Variants in CSMD2 observed in about 807,000 individuals in gnomAD.
The protein encoded by CSMD2 is CUB and Sushi multiple domains 2.
In CSMD2, 130 loss-of-function variants were observed where a neutral mutation model predicts 398.5. That is an observed-to-expected ratio of 0.33 (90% confidence interval 0.28 to 0.38). The LOEUF is 0.38. Ranked by LOEUF, CSMD2 falls within the 10% of genes least tolerant of loss-of-function variation. The probability of loss-of-function intolerance (pLI) is 1.00; values close to 1 mark genes in which losing one functional copy is unlikely to be tolerated. For missense variants in CSMD2, 3,829 were observed against 4,764.9 expected (o/e 0.80, Z 5.78); for synonymous variants, 1,828 against 1,908.5 (o/e 0.96, Z 1.10).
chr1:33,552,277 G>T (rs1657527031), intron 55 of CSMD2, among the ~76,000 whole-genome samples: 1 of 152,214 alleles, frequency 6.6e-6, no homozygotes, highest in Admixed American at 6.5e-5. Context: ...AGAATATGGA[G>T]AAATTGTAAT....
At chr1:34,125,507 C>CTGTGTGTGTGTG (rs35436778) in intron 1 of CSMD2, among the ~76,000 whole-genome samples, 46 of 141,194 alleles carry the variant, frequency 3.3e-4, no homozygotes, top group East Asian at 2.2e-3. Flanking sequence ...TCAACCTTGG[C>CTGTGTGTGTGTG]TGTGTGTGTG....
At chr1:33,552,035 CAT>C (rs1657494396) in intron 55 of CSMD2, among the ~76,000 whole-genome samples, 1 of 152,208 alleles carries the variant, frequency 6.6e-6, no homozygotes, top group Admixed American at 6.5e-5. Flanking sequence ...CAGCCAATAA[CAT>C]GTGGGGCAGA....
rs1389881398 is a variant in CSMD2, at chr1:33,846,588, AGTGCCTAGCACT to A, written c.1033+284_1033+295del. On this transcript the variant is annotated intron_variant, in intron 6 of 70. Coordinates refer to ENST00000373381, the MANE Select transcript of CSMD2 (RefSeq NM_001281956.2). ...AGATTAAAGGAGATGCTACTTGCCA[AGTGCCTAGCACT>A]GTGCCTGGCTCTTAGCAGGCATCTG... 4.6e-5 allele frequency among the ~76,000 whole-genome samples: 7 copies of A among 152,322 alleles called. 1 individual carries two copies. In the East Asian group the frequency reaches 1.2e-3, roughly 25 times the overall value.
chr1:33,728,225 A>T (rs1646603107), intron 15 of CSMD2, among the ~76,000 whole-genome samples: 1 of 152,142 alleles, frequency 6.6e-6, no homozygotes. Context: ...TTCCCTGAAC[A>T]AGACTGGGGA....
At chr1:33,964,598 C>G (rs1265172190) in intron 3 of CSMD2, among the ~76,000 whole-genome samples, 1 of 152,216 alleles carries the variant, frequency 6.6e-6, no homozygotes, top group East Asian at 1.9e-4. Context: ...AACAAGACTT[C>G]TGCTTTTTTG....
At chr1:33,969,170 A>G (rs1031126923) in intron 3 of CSMD2, among the ~76,000 whole-genome samples, 2 of 152,272 alleles carry the variant, frequency 1.3e-5, no homozygotes, top group African/African-American at 4.8e-5. Context: ...CACACTGTTC[A>G]AGGCAGCTGC....
intron 5 of CSMD2, among the ~76,000 whole-genome samples, chr1:33,903,082 T>TA (rs1356649396): frequency 6.6e-6 from 1 of 152,166 alleles, no homozygotes; most frequent in East Asian, 1.9e-4. Context: ...CAGACAGGCA[T>TA]TTGCTTAGCA....
intron 41 of CSMD2, among the ~76,000 whole-genome samples, chr1:33,609,226 C>T (rs1453896506): frequency 2.0e-5 from 3 of 152,114 alleles, no homozygotes; most frequent in East Asian, 1.9e-4. Context: ...AGATGGACCC[C>T]GGAACCCTGA....
chr1:33,626,524 CCTTTGG>C lies in CSMD2; in HGVS notation c.5252_5257del (p.Ala1751_Lys1752del). On this transcript the variant is annotated inframe_deletion, in exon 33 of 71. Coordinates refer to ENST00000373381, the MANE Select transcript of CSMD2 (RefSeq NM_001281956.2). Reference sequence around the variant, plus strand: ...GTGGAAGCCTCTGGCTGGTGCGAGGCCTTTGGCGCTGAACTTAATGAGAACTTGATT... The same window carrying C: ...GTGGAAGCCTCTGGCTGGTGCGAGGCCGCTGAACTTAATGAGAACTTGATT... 6.2e-7 allele frequency: 1 copy of C among 1,607,436 alleles called. No individual in the cohort carries two copies. The highest frequency in any genetic ancestry group is 8.5e-7 in the Non-Finnish European group (1 of 1,177,518).
Position 34,118,456 on chromosome 1 carries a change from T to G in CSMD2, c.188-29263A>C, listed in dbSNP as rs200540093. ...AAACAAAAGTCATCCAAACTAACATTATTTCTGTTTGCAGACAACCTGATC... is the reference window on the plus strand; with the variant it reads ...AAACAAAAGTCATCCAAACTAACATGATTTCTGTTTGCAGACAACCTGATC... On this transcript the variant is annotated intron_variant, in intron 1 of 70. Transcript: ENST00000373381. 1.8e-4 allele frequency among the ~76,000 whole-genome samples: 27 copies of G among 152,304 alleles called. No homozygotes were observed. In the East Asian group the frequency reaches 5.0e-3, roughly 28 times the overall value.
intron 13 of CSMD2, among the ~76,000 whole-genome samples, chr1:33,771,241 C>A (rs1273771084): frequency 2.0e-5 from 3 of 150,882 alleles, no homozygotes; most frequent in Admixed American, 6.6e-5. Flanking sequence ...CAGAGCCCTG[C>A]CCCGTGCACC....
At position 33,554,536 on chromosome 1, in the gene CSMD2, A is replaced by T. The variant is rs1355359327; in HGVS notation, c.8743+3198T>A. Among the ~76,000 whole-genome samples the T allele has an allele frequency of 2.0e-5, 3 of 152,268 alleles. No individual in the cohort carries two copies. The East Asian group carries it at 5.8e-4, about 29-fold the overall frequency. On this transcript the variant is annotated intron_variant, in intron 55 of 70. Coordinates refer to ENST00000373381, the MANE Select transcript of CSMD2 (RefSeq NM_001281956.2). ...TCCAGGACTTTCATAGCTAGAGAGAAGTCAATGCCTGGCTTCAAAATTTCA... is the reference window on the plus strand; with the variant it reads ...TCCAGGACTTTCATAGCTAGAGAGATGTCAATGCCTGGCTTCAAAATTTCA...
At position 34,165,050 on chromosome 1, in the gene CSMD2, C is replaced by G. The variant is rs1214341931; in HGVS notation, c.48G>C (p.Ala16=). The change falls in exon 1 of 71, where the codon GCG becomes GCC. Residue 16 remains alanine (A), a synonymous_variant. Transcript: ENST00000373381. ...TCCCGGTTTCGCCGCGAGCCCTCCC[C>G]GCGGGGCAGCCGCAGCGCCCCAGCT... ...GRELGRCGCP[A]GRARGETGIS... 3.3e-6 allele frequency: 4 copies of G among 1,215,222 alleles called. No individual in the cohort carries two copies. Among genetic ancestry groups the G allele is most frequent in the Non-Finnish European group, 4.1e-6 (4 of 977,282 alleles). 75.3% of individuals were successfully genotyped at this position (1,215,222 alleles called of 1,614,324 possible).
intron 1 of CSMD2, among the ~76,000 whole-genome samples, chr1:34,142,582 C>A (rs928931397): frequency 6.6e-6 from 1 of 152,170 alleles, no homozygotes; most frequent in African/African-American, 2.4e-5. Context: ...AAGAGAATGG[C>A]CCCCTCTCTC....
chr1:34,049,268 G>A (rs1171203326), intron 2 of CSMD2, among the ~76,000 whole-genome samples: 1 of 152,204 alleles, frequency 6.6e-6, no homozygotes, highest in Non-Finnish European at 1.5e-5. Context: ...CAGTAAGAGA[G>A]TTTGGTCACT....
chr1:33,722,913 GT>G (rs1050711807), intron 19 of CSMD2, among the ~76,000 whole-genome samples: 11 of 150,858 alleles, frequency 7.3e-5, no homozygotes, highest in African/African-American at 1.9e-4. Flanking sequence ...GGTATAGACG[GT>G]TTTTTTTTCT....
chr1:33,556,261 A>C (rs951565381), intron 55 of CSMD2, among the ~76,000 whole-genome samples: 5 of 152,202 alleles, frequency 3.3e-5, no homozygotes, highest in African/African-American at 9.7e-5. Context: ...GGTGGTGTCC[A>C]TTTCTGACCC....
chr1:34,108,241 TGA>T (rs1660708879), intron 1 of CSMD2, among the ~76,000 whole-genome samples: 2 of 149,850 alleles, frequency 1.3e-5, no homozygotes, highest in South Asian at 2.1e-4. Context: ...ATTTTAAAAA[TGA>T]GAGAGAGAAA....
chr1:34,102,988 A>T (rs892678958), intron 1 of CSMD2, among the ~76,000 whole-genome samples: 10 of 152,120 alleles, frequency 6.6e-5, no homozygotes, highest in Non-Finnish European at 1.3e-4. Flanking sequence ...CTCTATCTCT[A>T]GCTCGCAGAC....
Sources: allele counts gnomAD v4.1 joint callset (sites outside exome capture counted in the v4.1 genomes callset), GRCh38; gene constraint gnomAD v4.1.1; transcripts MANE v1.5; gene names NCBI Gene and HGNC (gene_info 2026-07-23, HGNC 2026-07-21).